The following THSD7B variants were observed in gnomAD, a reference collection of about 807,000 sequenced individuals.
The protein encoded by THSD7B is thrombospondin type 1 domain containing 7B, also known as thrombospondin type-1 domain-containing protein 7B.
THSD7B carries 138 observed loss-of-function variants against 213.6 expected under a neutral mutation model. The observed-to-expected ratio is 0.65, with a 90% CI of 0.56 to 0.74. The LOEUF is 0.74. Among genes scored for constraint, THSD7B ranks in the 30% least tolerant of loss-of-function variants. THSD7B has a pLI of 0.00. For synonymous variants in THSD7B, 742 were observed against 687.0 expected (o/e 1.08, Z -1.25); for missense variants, 1,931 against 1,991.5 (o/e 0.97, Z 0.58).
intron 5 of THSD7B, among the ~76,000 whole-genome samples, chr2:137,122,906 CA>C (rs1248568863): frequency 2.0e-5 from 3 of 152,118 alleles, no homozygotes. Context: ...CACTTTGTCT[CA>C]CTGCATGATA....
intron 2 of THSD7B, among the ~76,000 whole-genome samples, chr2:137,026,963 C>T (rs563440700): frequency 6.6e-6 from 1 of 152,282 alleles, no homozygotes; most frequent in East Asian, 1.9e-4. Context: ...CTGCAAAAGT[C>T]AAGCTTCTTG....
At chr2:136,836,056 G>C (rs1247999418) in intron 1 of THSD7B, among the ~76,000 whole-genome samples, 1 of 152,176 alleles carries the variant, frequency 6.6e-6, no homozygotes, top group Non-Finnish European at 1.5e-5. Context: ...GGAAGAACAT[G>C]CAGCTGTTGT....
intron 17 of THSD7B, among the ~76,000 whole-genome samples, chr2:137,611,757 G>T (rs1182777933): frequency 1.3e-5 from 2 of 152,040 alleles, no homozygotes; most frequent in Admixed American, 1.3e-4. Context: ...TTTCTCAGAG[G>T]CAACTTAGTA....
intron 2 of THSD7B, among the ~76,000 whole-genome samples, chr2:136,962,641 G>A (rs1685240020): frequency 6.6e-6 from 1 of 151,982 alleles, no homozygotes; most frequent in Non-Finnish European, 1.5e-5. Context: ...AGAAGAAAGG[G>A]ATGATGTCAA....
chr2:136,946,748 C>G (rs540493201), intron 2 of THSD7B, among the ~76,000 whole-genome samples: 5 of 152,216 alleles, frequency 3.3e-5, no homozygotes, highest in Non-Finnish European at 7.3e-5. Flanking sequence ...GTCTACTGCG[C>G]TAGCAGTGAG....
At chr2:137,625,417 A>G (rs771421353) in intron 20 of THSD7B, among the ~76,000 whole-genome samples, 99 of 152,006 alleles carry the variant, frequency 6.5e-4, no homozygotes, top group Non-Finnish European at 1.3e-3. Flanking sequence ...TGACACATGT[A>G]TACCTATGTA....
intron 6 of THSD7B, among the ~76,000 whole-genome samples, chr2:137,165,649 T>C (rs1369113678): frequency 6.6e-6 from 1 of 152,082 alleles, no homozygotes; most frequent in Non-Finnish European, 1.5e-5. Context: ...CTCTGGGATA[T>C]AAGCGGGAGT....
chr2:136,881,796 AC>A (rs1294797458), intron 1 of THSD7B, among the ~76,000 whole-genome samples: 2 of 152,146 alleles, frequency 1.3e-5, no homozygotes, highest in Non-Finnish European at 2.9e-5. Flanking sequence ...GAATCAAGTA[AC>A]TACTTTGGAT....
At chr2:137,639,252 C>T (rs1682892669) in intron 20 of THSD7B, among the ~76,000 whole-genome samples, 2 of 152,158 alleles carry the variant, frequency 1.3e-5, no homozygotes, top group Admixed American at 1.3e-4. Flanking sequence ...CAACATGAAG[C>T]TCGGGCTGTG....
intron 1 of THSD7B, among the ~76,000 whole-genome samples, chr2:136,849,710 C>T (rs1683066659): frequency 6.6e-6 from 1 of 152,056 alleles, no homozygotes; most frequent in African/African-American, 2.4e-5. Flanking sequence ...CTAATGCACT[C>T]AAATAGCCTT....
intron 14 of THSD7B, among the ~76,000 whole-genome samples, chr2:137,426,847 A>G (rs1687066949): frequency 6.6e-6 from 1 of 152,168 alleles, no homozygotes; most frequent in Admixed American, 6.5e-5. Flanking sequence ...CATCAATAAA[A>G]TGAAGAGGCA....
At chr2:136,971,070 A>T (rs1364349069) in intron 2 of THSD7B, among the ~76,000 whole-genome samples, 1 of 152,174 alleles carries the variant, frequency 6.6e-6, no homozygotes, top group Non-Finnish European at 1.5e-5. Context: ...TTTGCACCTA[A>T]ATAAAGAGAA....
In THSD7B at chr2:136,825,661, C is replaced by T. The variant is rs371617937; in HGVS notation, c.-35-56483C>T. Among the ~76,000 whole-genome samples, 5 of 151,460 alleles carry T rather than the reference C, an allele frequency of 3.3e-5. No individual in the cohort carries two copies. In the South Asian group the frequency reaches 6.3e-4, roughly 19 times the overall value. ...CCACCTCCTGGGTTCACGCCATTCT[C>T]CTGCCTCAGCCTCCCGAGTAGCTGG... is the stretch of plus-strand genomic sequence containing the variant. On this transcript the variant is annotated intron_variant, in intron 1 of 27. Coordinates refer to ENST00000409968, the MANE Select transcript of THSD7B (RefSeq NM_001316349.2).
intron 2 of THSD7B, among the ~76,000 whole-genome samples, chr2:136,923,908 T>G (rs1308068875): frequency 6.6e-6 from 1 of 152,190 alleles, no homozygotes; most frequent in Non-Finnish European, 1.5e-5. Flanking sequence ...CAGGTAACTT[T>G]TTCACTCTGT....
At chr2:137,465,172 G>T (rs1558805596) in intron 15 of THSD7B, among the ~76,000 whole-genome samples, 1 of 151,434 alleles carries the variant, frequency 6.6e-6, no homozygotes, top group African/African-American at 2.4e-5. Flanking sequence ...AGTTTTGTTT[G>T]TCTGAAACTA....
At chr2:137,060,692 T>C (rs191511650) in intron 3 of THSD7B, among the ~76,000 whole-genome samples, 120 of 152,154 alleles carry the variant, frequency 7.9e-4, no homozygotes, top group Non-Finnish European at 1.4e-3. Flanking sequence ...GTCTGTTCTA[T>C]GCCTTCAATT....
intron 2 of THSD7B, among the ~76,000 whole-genome samples, chr2:137,009,536 A>C (rs1450313926): frequency 1.3e-5 from 2 of 152,190 alleles, no homozygotes; most frequent in African/African-American, 4.8e-5. Flanking sequence ...ATAGAGGTTT[A>C]ATGGACTTAC....
intron 2 of THSD7B, among the ~76,000 whole-genome samples, chr2:137,028,565 T>C (rs1686597773): frequency 6.6e-6 from 1 of 152,194 alleles, no homozygotes; most frequent in Non-Finnish European, 1.5e-5. Flanking sequence ...AACACCACCA[T>C]GTTCCAGTTA....
At chr2:136,888,132 T>A (rs1683751181) in intron 2 of THSD7B, among the ~76,000 whole-genome samples, 1 of 152,188 alleles carries the variant, frequency 6.6e-6, no homozygotes, top group Non-Finnish European at 1.5e-5. Context: ...ATATGTGCAC[T>A]TTATTAATAA....
Sources: gnomAD v4.1 joint callset for allele counts (sites outside exome capture counted in the v4.1 genomes callset) on GRCh38, gnomAD v4.1.1 for gene constraint, MANE v1.5 for transcripts, NCBI Gene and HGNC (gene_info 2026-07-23, HGNC 2026-07-21) for gene names.